The following FLT3 variants were observed in gnomAD, a reference collection of about 807,000 sequenced individuals.
FLT3 encodes the protein fms related receptor tyrosine kinase 3.
Under a neutral mutation model 126.6 loss-of-function variants are expected in FLT3, and 46 were observed. That is an observed-to-expected ratio of 0.36 (90% CI 0.29 to 0.46). The LOEUF (loss-of-function observed/expected upper bound fraction) is 0.46, where lower values mean the gene tolerates loss of function less well. FLT3 is among the 20% of genes least tolerant of loss of function. The pLI is 1.00. For synonymous variants in FLT3, 404 were observed against 434.4 expected (o/e 0.93, Z 0.87); for missense variants, 1,069 against 1,190.3 (o/e 0.90, Z 1.50).
intron 1 of FLT3, among the ~76,000 whole-genome samples, chr13:28,087,999 G>A (rs1878793350): frequency 6.6e-6 from 1 of 152,154 alleles, no homozygotes; most frequent in Non-Finnish European, 1.5e-5. Context: ...CCTTTTGGGT[G>A]ACTGATTTTT....
chr13:28,020,573 T>G (rs1159847248), intron 19 of FLT3, among the ~76,000 whole-genome samples: 1 of 152,074 alleles, frequency 6.6e-6, no homozygotes, highest in Non-Finnish European at 1.5e-5. Flanking sequence ...TCTTGAACTC[T>G]TGGCCTCAAG....
chr13:28,062,735 C>A (rs1876679136), intron 2 of FLT3, among the ~76,000 whole-genome samples: 1 of 50,976 alleles, frequency 2.0e-5, no homozygotes, highest in Non-Finnish European at 3.6e-5. Context: ...CAGAGTGAAA[C>A]TCTGTCTCAA....
chr13:28,073,528 G>A, intron 1 of FLT3: 1 of 195,470 alleles, frequency 5.1e-6, no homozygotes, highest in Non-Finnish European at 1.1e-5. Flanking sequence ...TAAAAAAATA[G>A]TAATTTAAAA....
Position 28,048,406 on chromosome 13 carries a change from A to T in FLT3, c.1074T>A (p.Asp358Glu). The part of the protein sequence containing the change: ...GFINATNSSE[D>E]YEIDQYEEFC... ...ACTCTTCATATTGGTCAATTTCATA[A>T]TCTTCACTTGAATTGGTAGCATTTA... The change falls in exon 9 of 24, where the codon GAT becomes GAA. Residue 358 changes from aspartate to glutamate, a missense_variant. Transcript: ENST00000241453. The T allele has an allele frequency of 1.2e-6, 2 of 1,610,630 alleles. No individual in the cohort carries two copies. The highest frequency in any genetic ancestry group is 1.7e-6 in the Non-Finnish European group (2 of 1,176,936).
At chr13:28,097,066 A>G (rs1311012551) in intron 1 of FLT3, among the ~76,000 whole-genome samples, 2 of 152,046 alleles carry the variant, frequency 1.3e-5, no homozygotes, top group African/African-American at 2.4e-5. Context: ...TTTTCAAAAA[A>G]TTAATGAGGT....
In FLT3 at chr13:28,018,559, C is replaced by T. The variant is rs768037348; in HGVS notation, c.2449G>A (p.Val817Met). ...CVHRDLAARN[V>M]LVTHGKVVKI... is the part of the protein sequence containing the mutation. ...ACCACTTTCCCGTGGGTGACAAGCA[C>T]GTTCCTGGCGGCCAGGTCTCTGTGA... Residue 817 changes from valine to methionine, a missense_variant, in exon 20 of 24, where the codon GTG (valine) becomes ATG (methionine). Physicochemically the swap from Val to Met is conservative, Grantham distance 21 (BLOSUM62 1). Coordinates refer to ENST00000241453, the MANE Select transcript of FLT3 (RefSeq NM_004119.3). The T allele has an allele frequency of 1.2e-5, 19 of 1,614,180 alleles. No homozygotes were observed. The highest frequency in any genetic ancestry group is 6.7e-5 in the Admixed American group (4 of 60,024).
chr13:28,062,083 A>G lies in FLT3; in HGVS notation c.166-14T>C, dbSNP rs545770885. On this transcript the variant is annotated splice_polypyrimidine_tract_variant and intron_variant, in intron 2 of 23. Coordinates refer to ENST00000241453, the MANE Select transcript of FLT3 (RefSeq NM_004119.3). ...GGATTCTGATACCTACGTTGCAGATAGAACAAAGTGAATTCATGAAAACTG... is the reference window on the plus strand; with the variant it reads ...GGATTCTGATACCTACGTTGCAGATGGAACAAAGTGAATTCATGAAAACTG... 1 of 1,606,212 alleles carries G rather than the reference A, an allele frequency of 6.2e-7. No homozygotes were observed. Among genetic ancestry groups the G allele is most frequent in the South Asian group, 1.1e-5 (1 of 90,596 alleles).
chr13:28,058,998 G>A (rs1211389682), intron 3 of FLT3, among the ~76,000 whole-genome samples: 3 of 152,134 alleles, frequency 2.0e-5, no homozygotes, highest in African/African-American at 7.2e-5. Flanking sequence ...AAATGTGGCT[G>A]GCACTGTGGC....
chr13:28,037,500 G>C (rs1873943018), intron 9 of FLT3, among the ~76,000 whole-genome samples: 1 of 152,208 alleles, frequency 6.6e-6, no homozygotes, highest in Non-Finnish European at 1.5e-5. Flanking sequence ...TCATCTGGGA[G>C]CTTGTTACAA....
chr13:28,035,492 T>C lies in FLT3; in HGVS notation c.1597+3A>G. The C allele has an allele frequency of 3.1e-6, 5 of 1,611,964 alleles. No individual in the cohort carries two copies. Among genetic ancestry groups the C allele is most frequent in the Non-Finnish European group, 4.2e-6 (5 of 1,179,070 alleles). ...TGGAATATCACAAGAACAACTGTTGTACCTGGAGAGTTTAAAAGGATCGTC... is the reference window on the plus strand; with the variant it reads ...TGGAATATCACAAGAACAACTGTTGCACCTGGAGAGTTTAAAAGGATCGTC... On this transcript the variant is annotated splice_donor_region_variant and intron_variant, in intron 12 of 23. Transcript: ENST00000241453.
chr13:28,022,214 T>G (rs1872455777), intron 19 of FLT3, among the ~76,000 whole-genome samples: 1 of 151,968 alleles, frequency 6.6e-6, no homozygotes, highest in Non-Finnish European at 1.5e-5. Context: ...GAGGCAGTAA[T>G]TTTTTAAAGA....
Position 28,057,376 on chromosome 13 carries a change from TA to T in FLT3, c.454del (p.Tyr152ThrfsTer7). The T allele has an allele frequency of 6.6e-7, 1 of 1,520,332 alleles. No homozygotes were observed. Among genetic ancestry groups the T allele is most frequent in the Non-Finnish European group, 9.1e-7 (1 of 1,094,374 alleles). The allele number at this position is 1,520,332 out of a possible 1,614,324, so 94.2% of individuals were successfully genotyped here. ...LLFIQSEATN[Y>X]TILFTVSIRN... ...TATACTCACTGTAAACAATATTGTG[TA>T]ATTGGTAGCTTCACTCTGAATAAAA... is the stretch of plus-strand genomic sequence containing the variant. On this transcript the variant is annotated frameshift_variant, in exon 4 of 24. Transcript: ENST00000241453. LOFTEE classifies it high-confidence loss of function.
intron 23 of FLT3, among the ~76,000 whole-genome samples, chr13:28,013,508 C>T (rs1284341641): frequency 6.6e-6 from 1 of 152,136 alleles, no homozygotes; most frequent in Non-Finnish European, 1.5e-5. Context: ...TATTAGGAGC[C>T]CAAGGTTCTC....
At chr13:28,059,410 AG>A (rs1876335944) in intron 3 of FLT3, among the ~76,000 whole-genome samples, 1 of 152,324 alleles carries the variant, frequency 6.6e-6, no homozygotes, top group Admixed American at 6.5e-5. Context: ...TTTCGGCAAG[AG>A]GACAAGGACA....
chr13:28,091,622 A>G (rs1416391037), intron 1 of FLT3, among the ~76,000 whole-genome samples: 3 of 151,914 alleles, frequency 2.0e-5, no homozygotes, highest in South Asian at 4.1e-4. Context: ...ATAAATTCTC[A>G]TAATTTTAAC....
intron 1 of FLT3, among the ~76,000 whole-genome samples, chr13:28,077,932 T>G (rs1004971135): frequency 6.6e-6 from 1 of 151,978 alleles, no homozygotes; most frequent in African/African-American, 2.4e-5. Context: ...GCAGTCAAAT[T>G]TTAAAGCTCC....
At chr13:28,028,766 T>TTTC (rs1555253295) in intron 15 of FLT3, among the ~76,000 whole-genome samples, 1 of 132,330 alleles carries the variant, frequency 7.6e-6, no homozygotes, top group Non-Finnish European at 1.5e-5. Flanking sequence ...CCTTTTTCTT[T>TTTC]TTTTTTTTTC....
chr13:28,092,510 G>T (rs1375474892), intron 1 of FLT3, among the ~76,000 whole-genome samples: 1 of 151,956 alleles, frequency 6.6e-6, no homozygotes, highest in Non-Finnish European at 1.5e-5. Context: ...GGGCTTACAG[G>T]TGCACACCAC....
At chr13:28,091,347 G>T (rs200466483) in intron 1 of FLT3, among the ~76,000 whole-genome samples, 2 of 141,928 alleles carry the variant, frequency 1.4e-5, no homozygotes, top group Non-Finnish European at 3.0e-5. Flanking sequence ...TCAGCCTCCC[G>T]AGTAGCTGGG....
Sources: allele counts gnomAD v4.1 joint callset (sites outside exome capture counted in the v4.1 genomes callset), GRCh38; gene constraint gnomAD v4.1.1; transcripts MANE v1.5; gene names NCBI Gene and HGNC (gene_info 2026-07-23, HGNC 2026-07-21).